Variants in HECW1 observed in about 807,000 individuals in gnomAD.
HECW1 encodes the protein E3 ubiquitin-protein ligase HECW1.
A neutral mutation model predicts 182.3 loss-of-function variants in HECW1; 61 were observed. That is an observed-to-expected ratio of 0.33 (90% CI 0.27 to 0.41). The LOEUF (loss-of-function observed/expected upper bound fraction) is 0.41, where lower values mean the gene tolerates loss of function less well. Ranked by LOEUF, HECW1 falls within the 10% of genes least tolerant of loss-of-function variation. The pLI is 1.00. For missense variants in HECW1, 1,739 were observed against 2,108.9 expected (o/e 0.82, Z 3.44); for synonymous variants, 859 against 832.6 (o/e 1.03, Z -0.55).
At chr7:43,177,449 G>C (rs1792375207) in intron 2 of HECW1, among the ~76,000 whole-genome samples, 1 of 152,166 alleles carries the variant, frequency 6.6e-6, no homozygotes, top group Non-Finnish European at 1.5e-5. Context: ...GACTGAGTTT[G>C]TCCCTCATCA....
chr7:43,450,750 A>G, intron 11 of HECW1, 78 bp from the exon 12 acceptor site: 1 of 886,486 alleles, frequency 1.1e-6, no homozygotes. Context: ...TGTAGTGCTT[A>G]GTTTTACAGT....
At chr7:43,222,352 T>C (rs1455992299) in intron 2 of HECW1, among the ~76,000 whole-genome samples, 2 of 152,232 alleles carry the variant, frequency 1.3e-5, no homozygotes, top group East Asian at 3.8e-4. Flanking sequence ...ATTTTGCACA[T>C]CTTTCAAAGA....
chr7:43,260,799 TC>T (rs1055928543), intron 3 of HECW1, among the ~76,000 whole-genome samples: 4 of 152,232 alleles, frequency 2.6e-5, no homozygotes, highest in African/African-American at 9.6e-5. Flanking sequence ...CTTGTAGGTT[TC>T]ATCTAGTTGG....
chr7:43,182,818 G>A (rs987162772), intron 2 of HECW1, among the ~76,000 whole-genome samples: 2 of 152,096 alleles, frequency 1.3e-5, no homozygotes, highest in Non-Finnish European at 2.9e-5. Flanking sequence ...ATGAACATGG[G>A]ATATCTTTCC....
chr7:43,323,203 GT>G (rs746217571), intron 5 of HECW1, among the ~76,000 whole-genome samples: 3 of 152,174 alleles, frequency 2.0e-5, no homozygotes, highest in Non-Finnish European at 2.9e-5. Context: ...AAAGATTTCT[GT>G]AACATATATA....
At chr7:43,237,853 G>A (rs969525541) in intron 2 of HECW1, among the ~76,000 whole-genome samples, 4 of 151,146 alleles carry the variant, frequency 2.6e-5, no homozygotes, top group Non-Finnish European at 5.9e-5. Context: ...GCCCCCACTT[G>A]GAGCCTGCAA....
At chr7:43,561,701 A>G (rs1249727787) in intron 29 of HECW1, 114 bp from the exon 30 acceptor site, 6 of 678,140 alleles carry the variant, frequency 8.8e-6, no homozygotes, top group Non-Finnish European at 1.6e-5. Flanking sequence ...GTCCTAAATC[A>G]TGGTCCTGCT....
At position 43,445,194 on chromosome 7, in the gene HECW1, C is replaced by T. The variant is rs963677639; in HGVS notation, c.2022C>T (p.Asp674=). The change falls in exon 11 of 30, where the codon GAC becomes GAT. Residue 674 remains aspartate (D), a synonymous_variant. Coordinates refer to ENST00000395891, the MANE Select transcript of HECW1 (RefSeq NM_015052.5). ...GGGACCACAGTTGCGAGGGCTGTGA[C>T]GCGTCCTGCTGCAGCCCCTCGTGCT... ...QGGDHSCEGC[D]ASCCSPSCYS... is the part of the protein sequence containing the mutation. 8.7e-6 allele frequency: 14 copies of T among 1,612,828 alleles called. No individual in the cohort carries two copies. Among genetic ancestry groups the T allele is most frequent in the Non-Finnish European group, 1.2e-5 (14 of 1,179,580 alleles).
At chr7:43,204,460 AT>A (rs1437207307) in intron 2 of HECW1, among the ~76,000 whole-genome samples, 1 of 152,216 alleles carries the variant, frequency 6.6e-6, no homozygotes, top group African/African-American at 2.4e-5. Flanking sequence ...GTGAAAAAAA[AT>A]CTTATGTTCA....
intron 3 of HECW1, among the ~76,000 whole-genome samples, chr7:43,288,019 T>C (rs1411171407): frequency 6.6e-6 from 1 of 152,232 alleles, no homozygotes; most frequent in African/African-American, 2.4e-5. Context: ...GATATCCATG[T>C]AGACAGAGAT....
At chr7:43,538,572 G>A (rs1376908551) in intron 24 of HECW1, among the ~76,000 whole-genome samples, 3 of 152,234 alleles carry the variant, frequency 2.0e-5, no homozygotes, top group Admixed American at 6.5e-5. Flanking sequence ...CCTCTCCATC[G>A]CTCACATCTC....
At position 43,323,601 on chromosome 7, in the gene HECW1, T is replaced by C. The variant is rs1288734593; in HGVS notation, c.460+2859T>C. On this transcript the variant is annotated intron_variant, in intron 5 of 29. Transcript: ENST00000395891. Reference sequence around the variant, plus strand: ...GCCTGGGCGGCAGAATGAGACCCTGTCTCATAAAACAAACACAACAACAAC... The same window carrying C: ...GCCTGGGCGGCAGAATGAGACCCTGCCTCATAAAACAAACACAACAACAAC... Among the ~76,000 whole-genome samples, 4 of 152,168 alleles carry C rather than the reference T, an allele frequency of 2.6e-5. No homozygotes were observed. In the East Asian group the frequency reaches 7.7e-4, roughly 29 times the overall value.
intron 6 of HECW1, among the ~76,000 whole-genome samples, chr7:43,362,383 A>G (rs1816072433): frequency 6.6e-6 from 1 of 152,184 alleles, no homozygotes; most frequent in Admixed American, 6.5e-5. Context: ...CCCGGAACTC[A>G]TAGCGGGAAG....
At chr7:43,300,127 C>T (rs1019760171) in intron 3 of HECW1, among the ~76,000 whole-genome samples, 1 of 152,236 alleles carries the variant, frequency 6.6e-6, no homozygotes, top group African/African-American at 2.4e-5. Context: ...GTTAATTCTC[C>T]TCCTTATCCT....
At chr7:43,224,467 TG>T (rs1034181858) in intron 2 of HECW1, among the ~76,000 whole-genome samples, 4 of 152,144 alleles carry the variant, frequency 2.6e-5, no homozygotes, top group Admixed American at 1.3e-4. Context: ...TTGTGCAGAA[TG>T]GGAGTCCCAA....
At chr7:43,413,132 T>C (rs1449056248) in intron 8 of HECW1, among the ~76,000 whole-genome samples, 7 of 143,936 alleles carry the variant, frequency 4.9e-5, no homozygotes, top group Non-Finnish European at 9.2e-5. Context: ...CCTGACTTTT[T>C]AATGATTGCC....
intron 2 of HECW1, among the ~76,000 whole-genome samples, chr7:43,182,803 A>C (rs1792996184): frequency 6.6e-6 from 1 of 152,202 alleles, no homozygotes; most frequent in Admixed American, 6.5e-5. Context: ...TAATTCTTCC[A>C]GTCAATGAAC....
At chr7:43,144,786 A>T (rs892880499) in intron 2 of HECW1, among the ~76,000 whole-genome samples, 1 of 152,120 alleles carries the variant, frequency 6.6e-6, no homozygotes, top group African/African-American at 2.4e-5. Flanking sequence ...CCATTTCTCC[A>T]AGGTGCCCTA....
At chr7:43,477,429 A>G (rs2078260356) in intron 16 of HECW1, among the ~76,000 whole-genome samples, 1 of 152,196 alleles carries the variant, frequency 6.6e-6, no homozygotes, top group Non-Finnish European at 1.5e-5. Context: ...TCTATTTTTA[A>G]TATTTGTTAG....
Sources: allele counts gnomAD v4.1 joint callset (sites outside exome capture counted in the v4.1 genomes callset), GRCh38; gene constraint gnomAD v4.1.1; transcripts MANE v1.5; gene names NCBI Gene and HGNC (gene_info 2026-07-23, HGNC 2026-07-21).